The following ANXA8 variants were observed in gnomAD, a reference collection of about 807,000 sequenced individuals.
The protein encoded by ANXA8 is VAC-beta.
ANXA8 carries 9 observed loss-of-function variants against 26.8 expected under a neutral mutation model. That is an observed-to-expected ratio of 0.34 (90% CI 0.20 to 0.59). The LOEUF (loss-of-function observed/expected upper bound fraction) is 0.59. Ranked by LOEUF, ANXA8 falls within the 20% of genes least tolerant of loss-of-function variation. The probability of loss-of-function intolerance (pLI) is 0.84; values close to 1 mark genes in which losing one functional copy is unlikely to be tolerated. For missense variants in ANXA8, 83 were observed against 238.5 expected (o/e 0.35, Z 4.29); for synonymous variants, 39 against 94.8 (o/e 0.41, Z 3.42).
the ANXA8 span, among the ~76,000 whole-genome samples, chr10:47,668,030 G>A: frequency 6.6e-6 from 1 of 151,798 alleles, no homozygotes. Context: ...GAGCCACCGT[G>A]CCTGGCTTCA....
chr10:47,651,947 T>C, the ANXA8 span, among the ~76,000 whole-genome samples: 1 of 150,236 alleles, frequency 6.7e-6, no homozygotes, highest in African/African-American at 2.5e-5. Flanking sequence ...ATCCATACAA[T>C]GGAGTATTAT....
chr10:47,756,753 A>T, the ANXA8 span, among the ~76,000 whole-genome samples: 1 of 152,140 alleles, frequency 6.6e-6, no homozygotes, highest in Admixed American at 6.5e-5. Flanking sequence ...GGGTGAACCA[A>T]GGCCTCCCCT....
At chr10:47,694,608 G>T in the ANXA8 span, among the ~76,000 whole-genome samples, 1 of 151,300 alleles carries the variant, frequency 6.6e-6, no homozygotes, top group Non-Finnish European at 1.5e-5. Flanking sequence ...TTTAGTAGAG[G>T]CAGGGTTTCA....
chr10:47,679,952 G>T, the ANXA8 span, among the ~76,000 whole-genome samples: 1 of 152,050 alleles, frequency 6.6e-6, no homozygotes, highest in South Asian at 2.1e-4. Flanking sequence ...ACAATGAGAA[G>T]AAATAAATTC....
the ANXA8 span, among the ~76,000 whole-genome samples, chr10:47,558,533 G>A: frequency 1.1e-5 from 1 of 90,476 alleles, no homozygotes; most frequent in Non-Finnish European, 2.3e-5. Context: ...TTTAAGATGT[G>A]TGTGTGTGTG....
the ANXA8 span, among the ~76,000 whole-genome samples, chr10:47,493,033 G>A: frequency 2.0e-3 from 308 of 151,456 alleles, 3 homozygotes; most frequent in African/African-American, 7.3e-3. Context: ...CCAGGGCTAC[G>A]GCCAGTCCCC....
chr10:47,735,547 C>G, the ANXA8 span, among the ~76,000 whole-genome samples: 8 of 146,242 alleles, frequency 5.5e-5, 1 homozygote, highest in South Asian at 1.3e-3. Context: ...GTACATGTGT[C>G]TGCTTTAAAA....
At chr10:47,646,961 T>G in the ANXA8 span, among the ~76,000 whole-genome samples, 2 of 152,216 alleles carry the variant, frequency 1.3e-5, no homozygotes, top group Admixed American at 1.3e-4. Context: ...AACTGCTGTA[T>G]TTTTAGTTTG....
chr10:47,981,052 A>T, the ANXA8 span, among the ~76,000 whole-genome samples: 2 of 151,458 alleles, frequency 1.3e-5, no homozygotes, highest in Admixed American at 1.3e-4. Context: ...AAAAATTATC[A>T]ACAAAATACT....
chr10:47,915,117 G>A, the ANXA8 span, among the ~76,000 whole-genome samples: 90 of 151,682 alleles, frequency 5.9e-4, no homozygotes, highest in African/African-American at 1.6e-3. Context: ...ATGCTTGGCA[G>A]CTGCCCTTCA....
the ANXA8 span, among the ~76,000 whole-genome samples, chr10:47,736,718 G>A: frequency 5.4e-5 from 8 of 146,858 alleles, no homozygotes; most frequent in East Asian, 8.3e-4. Flanking sequence ...GCAGTGGTGC[G>A]ATCTTGGCTC....
the ANXA8 span, chr10:47,987,179 C>T: frequency 1.0e-5 from 4 of 401,694 alleles, no homozygotes; most frequent in Admixed American, 1.1e-4. Context: ...GGGGCGGCTG[C>T]CCCAGGTTGG....
At chr10:47,647,496 C>G in the ANXA8 span, among the ~76,000 whole-genome samples, 1 of 149,790 alleles carries the variant, frequency 6.7e-6, no homozygotes, top group African/African-American at 2.5e-5. Flanking sequence ...CAGTTTCACA[C>G]AAGGAATAAA....
chr10:47,568,552 GTTTT>G, the ANXA8 span, among the ~76,000 whole-genome samples: 1 of 23,156 alleles, frequency 4.3e-5, no homozygotes, highest in Non-Finnish European at 9.5e-5. Flanking sequence ...TATGAGTCTT[GTTTT>G]TTTTTTTTTT....
chr10:47,569,065 G>A, the ANXA8 span, among the ~76,000 whole-genome samples: 1 of 42,988 alleles, frequency 2.3e-5, no homozygotes, highest in East Asian at 2.8e-4. Flanking sequence ...GGCAGAGGTT[G>A]CAGTGAGACG....
At chr10:47,485,268 C>T (rs1305110926), upstream of ANXA8, among the ~76,000 whole-genome samples, 1 of 151,932 alleles carries the variant, frequency 6.6e-6, no homozygotes, top group Non-Finnish European at 1.5e-5. Flanking sequence ...GTGTGTTTAT[C>T]CTTTGGGCAC....
chr10:47,975,819 GT>G, the ANXA8 span, among the ~76,000 whole-genome samples: 1 of 138,468 alleles, frequency 7.2e-6, no homozygotes, highest in Non-Finnish European at 1.6e-5. Context: ...TAAATTGCAA[GT>G]GATACTCAGG....
the ANXA8 span, among the ~76,000 whole-genome samples, chr10:47,770,072 G>C: frequency 4.1e-5 from 4 of 98,546 alleles, no homozygotes; most frequent in African/African-American, 1.1e-4. Flanking sequence ...CCTGAACTCA[G>C]AGCAATAACT....
the ANXA8 span, among the ~76,000 whole-genome samples, chr10:47,765,959 T>C: frequency 6.7e-6 from 1 of 149,984 alleles, no homozygotes; most frequent in Admixed American, 6.6e-5. Context: ...ACTGCTCATG[T>C]TTCAAGATGA....
Sources: allele counts gnomAD v4.1 joint callset (sites outside exome capture counted in the v4.1 genomes callset), GRCh38; gene constraint gnomAD v4.1.1; transcripts MANE v1.5; gene names NCBI Gene and HGNC (gene_info 2026-07-23, HGNC 2026-07-21).